AKAP6: variants seen among roughly 807,000 people sequenced by gnomAD.
The protein encoded by AKAP6 is A-kinase anchor protein 6.
A neutral mutation model predicts 188.5 loss-of-function variants in AKAP6; 58 were observed. The ratio of observed to expected loss-of-function variants is 0.31; its 90% CI spans 0.25 to 0.38. AKAP6 has a LOEUF of 0.38. AKAP6 is among the 10% of genes least tolerant of loss of function. The probability of loss-of-function intolerance (pLI) is 1.00; values close to 1 mark genes in which losing one functional copy is unlikely to be tolerated. For missense variants in AKAP6, 2,710 were observed against 2,740.0 expected (o/e 0.99, Z 0.24); for synonymous variants, 989 against 998.6 (o/e 0.99, Z 0.18).
At chr14:32,419,888 A>G (rs547051937) in intron 1 of AKAP6, among the ~76,000 whole-genome samples, 6 of 131,890 alleles carry the variant, frequency 4.5e-5, no homozygotes, top group Non-Finnish European at 6.6e-5. Flanking sequence ...CTACAAAAAC[A>G]AAAACAAAAA....
At chr14:32,740,151 C>G (rs2031611001) in intron 11 of AKAP6, among the ~76,000 whole-genome samples, 1 of 151,984 alleles carries the variant, frequency 6.6e-6, no homozygotes, top group Non-Finnish European at 1.5e-5. Context: ...TTTCATATGC[C>G]TGTTTGCCAT....
At chr14:32,455,767 C>T (rs1471280211) in intron 2 of AKAP6, among the ~76,000 whole-genome samples, 1 of 152,178 alleles carries the variant, frequency 6.6e-6, no homozygotes. Context: ...TTTAGATCTA[C>T]TCTGATCTGT....
intron 1 of AKAP6, among the ~76,000 whole-genome samples, chr14:32,330,544 A>C (rs1027777220): frequency 6.6e-6 from 1 of 151,970 alleles, no homozygotes; most frequent in African/African-American, 2.4e-5. Flanking sequence ...ACTTAGAATC[A>C]GGGAGTGGTC....
At chr14:32,343,320 G>A (rs1045174603) in intron 1 of AKAP6, among the ~76,000 whole-genome samples, 1 of 152,070 alleles carries the variant, frequency 6.6e-6, no homozygotes, top group Non-Finnish European at 1.5e-5. Context: ...GTGGTTAGTG[G>A]AGACCCAGAT....
At position 32,790,295 on chromosome 14, in the gene AKAP6, A is replaced by ACT. The variant is rs2033568750; in HGVS notation, c.3588+16403_3588+16404dup. On this transcript the variant is annotated intron_variant, in intron 12 of 13. Coordinates refer to ENST00000280979, the MANE Select transcript of AKAP6 (RefSeq NM_004274.5). ...AGAATGGAACCAAGTTGGAAAACAT[A>ACT]CTACAGGCTTTCATCCAGGAGAACT... Among the ~76,000 whole-genome samples the ACT allele has an allele frequency of 7.2e-5, 11 of 152,294 alleles. 1 individual carries two copies. In the South Asian group the frequency reaches 2.3e-3, roughly 32 times the overall value.
chr14:32,632,440 T>G (rs1264658606), intron 7 of AKAP6, among the ~76,000 whole-genome samples: 1 of 152,102 alleles, frequency 6.6e-6, no homozygotes, highest in Non-Finnish European at 1.5e-5. Context: ...CTTGGGCTTC[T>G]CCTATAAAAT....
At chr14:32,574,322 A>G (rs569122352) in intron 4 of AKAP6, among the ~76,000 whole-genome samples, 7 of 152,276 alleles carry the variant, frequency 4.6e-5, no homozygotes, top group East Asian at 3.9e-4. Flanking sequence ...TGTTTCCCCT[A>G]TATCAGACAG....
intron 12 of AKAP6, among the ~76,000 whole-genome samples, chr14:32,817,165 C>T (rs1172268043): frequency 6.6e-5 from 10 of 152,192 alleles, no homozygotes; most frequent in Admixed American, 2.6e-4. Context: ...TACACACCCA[C>T]CATTTAAGCT....
At chr14:32,581,788 T>G (rs1235397629) in intron 5 of AKAP6, among the ~76,000 whole-genome samples, 2 of 152,190 alleles carry the variant, frequency 1.3e-5, no homozygotes, top group East Asian at 1.9e-4. Flanking sequence ...TGGTTTAAAG[T>G]CTGTTTTATC....
chr14:32,526,101 A>G (rs1882109847), intron 2 of AKAP6, among the ~76,000 whole-genome samples: 2 of 152,018 alleles, frequency 1.3e-5, no homozygotes, highest in African/African-American at 2.4e-5. Context: ...GTCTCACTCT[A>G]TTGCCCAGGC....
At chr14:32,781,598 G>T (rs2140020285) in intron 12 of AKAP6, among the ~76,000 whole-genome samples, 1 of 152,018 alleles carries the variant, frequency 6.6e-6, no homozygotes, top group South Asian at 2.1e-4. Context: ...TGTCAAAAAG[G>T]CAATACAAGA....
In AKAP6 at chr14:32,545,599, G is replaced by A. The variant is rs376563222; in HGVS notation, c.946G>A (p.Glu316Lys). The A allele has an allele frequency of 1.1e-5, 18 of 1,614,064 alleles. No homozygotes were observed. The highest frequency in any genetic ancestry group is 2.2e-5 in the East Asian group (1 of 44,886). ...GCEEDNASAV[E>K]EQPGLTLGVS... ...TGAGGAAGACAATGCTTCTGCAGTC[G>A]AAGAGCAACCAGGCTTAACACTGGG... Residue 316 changes from glutamate to lysine, a missense_variant, in exon 4 of 14, where the codon GAA (glutamate) becomes AAA (lysine). Around this residue, in one of 2 missense-constraint regions of AKAP6, gnomAD observed 2,473 missense variants for 2,426.1 expected, o/e 1.02. Coordinates refer to ENST00000280979, the MANE Select transcript of AKAP6 (RefSeq NM_004274.5).
intron 2 of AKAP6, among the ~76,000 whole-genome samples, chr14:32,460,634 A>T (rs1231707738): frequency 1.3e-5 from 2 of 152,174 alleles, no homozygotes; most frequent in African/African-American, 4.8e-5. Context: ...CAAGCACAAA[A>T]CTGGGCAGCT....
chr14:32,542,664 C>A (rs529557140), intron 3 of AKAP6, among the ~76,000 whole-genome samples: 1 of 152,224 alleles, frequency 6.6e-6, no homozygotes, highest in South Asian at 2.1e-4. Context: ...TGTGCCAAGG[C>A]CTTGAGGAAG....
intron 5 of AKAP6, among the ~76,000 whole-genome samples, chr14:32,578,363 G>A (rs1218396126): frequency 1.3e-5 from 2 of 152,146 alleles, no homozygotes; most frequent in Admixed American, 6.6e-5. Flanking sequence ...TGACAAAACT[G>A]TGTGGTAGAG....
intron 7 of AKAP6, among the ~76,000 whole-genome samples, chr14:32,644,718 C>A (rs1051885244): frequency 1.3e-5 from 2 of 151,970 alleles, no homozygotes; most frequent in East Asian, 3.9e-4. Flanking sequence ...TTTCTCTATT[C>A]TCTCTCCTCA....
At chr14:32,615,193 C>T (rs370103196) in intron 7 of AKAP6, among the ~76,000 whole-genome samples, 1 of 82,078 alleles carries the variant, frequency 1.2e-5, no homozygotes, top group African/African-American at 5.4e-5. Flanking sequence ...AAAAGATAAA[C>T]AAGAAGAAAA....
chr14:32,414,393 C>G (rs11620931), intron 1 of AKAP6, among the ~76,000 whole-genome samples: 106,305 of 152,008 alleles, frequency 0.7, 39,107 homozygotes, highest in Non-Finnish European at 0.82. Context: ...CTCTTAAGGG[C>G]TGTGTAAGCA....
At position 32,577,090 on chromosome 14, in the gene AKAP6, T is replaced by C. The variant is rs202223724; in HGVS notation, c.2347-30T>C. The C allele has an allele frequency of 1.0e-4, 159 of 1,569,948 alleles. No homozygotes were observed. In the African/African-American group the frequency reaches 1.5e-3, roughly 15 times the overall value. On this transcript the variant is annotated intron_variant, in intron 4 of 13. Coordinates refer to ENST00000280979, the MANE Select transcript of AKAP6 (RefSeq NM_004274.5). ...CCAACTAACATGCCTTTCTTGCCCC[T>C]TTTTTTCCCCTTTTCTTTCCTTTCA...
Sources: allele counts gnomAD v4.1 joint callset (sites outside exome capture counted in the v4.1 genomes callset), GRCh38; gene constraint gnomAD v4.1.1; regional missense constraint gnomAD v4.1.1; transcripts MANE v1.5; gene names NCBI Gene and HGNC (gene_info 2026-07-23, HGNC 2026-07-21).